The following RUBCNL variants were observed in gnomAD, a reference collection of about 807,000 sequenced individuals.
RUBCNL encodes the protein rubicon like autophagy enhancer.
In RUBCNL, 62 loss-of-function variants were observed where a neutral mutation model predicts 69.5. The ratio of observed to expected loss-of-function variants is 0.89; its 90% CI spans 0.73 to 1.10. RUBCNL has a LOEUF of 1.10. RUBCNL is among the 50% of genes least tolerant of loss of function. The pLI is 0.00. For missense variants in RUBCNL, 768 were observed against 798.1 expected (o/e 0.96, Z 0.45); for synonymous variants, 291 against 303.6 (o/e 0.96, Z 0.43).
At chr13:46,384,614 T>A (rs1408695415) in intron 1 of RUBCNL, among the ~76,000 whole-genome samples, 2 of 152,190 alleles carry the variant, frequency 1.3e-5, no homozygotes, top group African/African-American at 4.8e-5. Flanking sequence ...TTTTAATAAA[T>A]ATAAAGCTAA....
intron 1 of RUBCNL, among the ~76,000 whole-genome samples, chr13:46,378,951 A>C (rs1367092862): frequency 3.9e-5 from 6 of 152,176 alleles, no homozygotes; most frequent in Admixed American, 3.9e-4. Flanking sequence ...TCACCCTATA[A>C]AAACTGGTAA....
At chr13:46,346,070 G>T (rs182194973) in intron 12 of RUBCNL, among the ~76,000 whole-genome samples, 2 of 152,276 alleles carry the variant, frequency 1.3e-5, no homozygotes, top group East Asian at 3.9e-4. Context: ...CCAAATGCAC[G>T]AGTCAGGCAC....
intron 2 of RUBCNL, chr13:46,374,458 G>A (rs2138814926): frequency 6.6e-6 from 1 of 152,310 alleles, no homozygotes; most frequent in Middle Eastern, 3.4e-3. Flanking sequence ...GGAGTGGACG[G>A]AGCAAGCTCC....
At chr13:46,386,870 A>C (rs2049260173) in intron 1 of RUBCNL, among the ~76,000 whole-genome samples, 1 of 152,130 alleles carries the variant, frequency 6.6e-6, no homozygotes, top group South Asian at 2.1e-4. Context: ...TCCCGGCCCA[A>C]GCCGAACACA....
chr13:46,349,247 T>C (rs778760608), intron 12 of RUBCNL, 39 bp downstream of exon 12: 18 of 1,580,246 alleles, frequency 1.1e-5, no homozygotes, highest in Admixed American at 1.7e-5. Context: ...TTAGCAGATG[T>C]ATGGAGGGAA....
intron 6 of RUBCNL, among the ~76,000 whole-genome samples, 165 bp downstream of exon 6, chr13:46,362,950 A>ATG (rs2048657858): frequency 1.6e-5 from 1 of 64,144 alleles, no homozygotes; most frequent in African/African-American, 9.9e-5. Flanking sequence ...ATATATATAT[A>ATG]TATATATATA....
rs190621485 is a variant in RUBCNL, at chr13:46,349,808, C to T, written c.1569+305G>A. Among the ~76,000 whole-genome samples, 129 of 151,894 alleles carry T rather than the reference C, an allele frequency of 8.5e-4. 1 individual carries two copies. Among genetic ancestry groups the T allele is most frequent in the African/African-American group, 2.7e-3 (112 of 41,402 alleles). On this transcript the variant is annotated intron_variant, in intron 11 of 14. Coordinates refer to ENST00000429979, the MANE Select transcript of RUBCNL (RefSeq NM_025113.5). The stretch of plus-strand genomic sequence containing the variant: ...TCTCCTGCCTCAGCCTCTCGAGTAG[C>T]TGGGATTACAGGCGTGTGCTACTAT...
rs1279497357 is a variant in RUBCNL, at chr13:46,361,585, G to C, written c.987-12C>G. On this transcript the variant is annotated splice_polypyrimidine_tract_variant and intron_variant, in intron 7 of 14. Coordinates refer to ENST00000429979, the MANE Select transcript of RUBCNL (RefSeq NM_025113.5). ...GCTCATAAGTGACACTGAAATGTAAGAGATGCAAATACTGGAAAACTATAT... is the reference window on the plus strand; with the variant it reads ...GCTCATAAGTGACACTGAAATGTAACAGATGCAAATACTGGAAAACTATAT... The C allele has an allele frequency of 2.5e-6, 4 of 1,583,094 alleles. No homozygotes were observed. Among genetic ancestry groups the C allele is most frequent in the Admixed American group, 3.7e-5 (2 of 54,340 alleles).
Position 46,387,152 on chromosome 13 carries a change from T to C in RUBCNL, c.-257A>G. The C allele has an allele frequency of 1.0e-6, 1 of 985,304 alleles. No individual in the cohort carries two copies. The highest frequency in any genetic ancestry group is 1.2e-6 in the Non-Finnish European group (1 of 829,956). 61.0% of individuals were successfully genotyped at this position (985,304 alleles called of 1,614,324 possible). A position where few individuals can be genotyped will look rare whatever the true frequency, so the allele number is the denominator to read the frequency against. ...GCCTCACCCAGCCAAACCCGAGCGG[T>C]GGAACGCTGCGCTGGGTAAACGCCG... On this transcript the variant is annotated 5_prime_UTR_variant, in exon 1 of 15. Coordinates refer to ENST00000429979, the MANE Select transcript of RUBCNL (RefSeq NM_025113.5).
rs746280233 is a variant in RUBCNL at position 46,372,360 on chromosome 13, G to A, written c.116C>T (p.Pro39Leu). The part of the protein sequence containing the change: ...SPRLLNTDHP[P>L]CQLDIRLMRH... ...CATGAGCCTGATGTCTAATTGGCAAGGAGGATGGTCAGTGTTCAGGAGTCT... is the reference window on the plus strand; with the variant it reads ...CATGAGCCTGATGTCTAATTGGCAAAGAGGATGGTCAGTGTTCAGGAGTCT... Residue 39 changes from proline (P) to leucine (L), a missense_variant, in exon 3 of 15, where the codon CCT (proline) becomes CTT (leucine). By Grantham distance (98) the Pro-to-Leu change is moderately conservative (BLOSUM62 -3). Transcript: ENST00000429979. The A allele has an allele frequency of 2.5e-6, 4 of 1,614,012 alleles. No individual in the cohort carries two copies. The highest frequency in any genetic ancestry group is 1.6e-4 in the Middle Eastern group (1 of 6,062).
chr13:46,384,239 T>G (rs2049185283), intron 1 of RUBCNL, among the ~76,000 whole-genome samples: 1 of 152,194 alleles, frequency 6.6e-6, no homozygotes, highest in Non-Finnish European at 1.5e-5. Flanking sequence ...CTTAACAAAC[T>G]TAAAAGTCCC....
Position 46,387,103 on chromosome 13 carries a change from C to A in RUBCNL, c.-239+31G>T, listed in dbSNP as rs1168615933. The A allele has an allele frequency of 4.1e-6, 4 of 985,754 alleles. No homozygotes were observed. The African/African-American group carries it at 7.0e-5, about 17-fold the overall frequency. The allele number at this position is 985,754 out of a possible 1,614,324, so 61.1% of individuals were successfully genotyped here. ...ACCACCCTCTCCACCCCGCGCCGCT[C>A]CCATCTCGCCCCCGGCCCCGCCAGC... is the stretch of plus-strand genomic sequence containing the variant. On this transcript the variant is annotated intron_variant, in intron 1 of 14. Coordinates refer to ENST00000429979, the MANE Select transcript of RUBCNL (RefSeq NM_025113.5).
upstream of RUBCNL, among the ~76,000 whole-genome samples, chr13:46,389,555 T>C (rs1038669503): frequency 1.3e-5 from 2 of 152,224 alleles, no homozygotes; most frequent in East Asian, 3.9e-4. The surrounding 1 kb of genome is among the most constrained non-coding windows in gnomAD (Gnocchi z 4.2). Flanking sequence ...TTAGGATATT[T>C]TGGACCAAGA....
rs764227535 is a variant in RUBCNL at position 46,372,422 on chromosome 13, C to G, written c.54G>C (p.Gly18=). 1.2e-6 allele frequency: 2 copies of G among 1,612,626 alleles called. No individual in the cohort carries two copies. Among genetic ancestry groups the G allele is most frequent in the Non-Finnish European group, 1.7e-6 (2 of 1,179,308 alleles). ...CAATAATGCCAGAGTGATCGCTGATCCCTTCCCAGGGCTCCACAGGAGAAT... is the reference window on the plus strand; with the variant it reads ...CAATAATGCCAGAGTGATCGCTGATGCCTTCCCAGGGCTCCACAGGAGAAT... ...RQDSPVEPWE[G]ISDHSGIIDG... is the part of the protein sequence containing the mutation. The change falls in exon 3 of 15, where the codon GGG becomes GGC. Residue 18 remains glycine, a synonymous_variant. Coordinates refer to ENST00000429979, the MANE Select transcript of RUBCNL (RefSeq NM_025113.5).
chr13:46,348,754 G>A (rs1435806419), intron 12 of RUBCNL, among the ~76,000 whole-genome samples: 1 of 151,870 alleles, frequency 6.6e-6, no homozygotes. Flanking sequence ...CAGGCATGCA[G>A]CACCACGCCT....
chr13:46,346,320 G>A (rs143706619), intron 12 of RUBCNL, among the ~76,000 whole-genome samples: 1 of 152,270 alleles, frequency 6.6e-6, no homozygotes, highest in Non-Finnish European at 1.5e-5. Flanking sequence ...CCTCTGCCTG[G>A]AGAATCCCCA....
chr13:46,347,971 C>T (rs1039011734), intron 12 of RUBCNL, among the ~76,000 whole-genome samples: 9 of 151,136 alleles, frequency 6.0e-5, no homozygotes, highest in South Asian at 2.1e-4. Flanking sequence ...CCAGCCTGGG[C>T]GACAGAAGGA....
Position 46,350,011 on chromosome 13 carries a change from C to T in RUBCNL, c.1569+102G>A. On this transcript the variant is annotated intron_variant, in intron 11 of 14. Coordinates refer to ENST00000429979, the MANE Select transcript of RUBCNL (RefSeq NM_025113.5). ...TTCACTCGCTTTATGATCCATTTGC[C>T]TCTTAGAGGATGTATCTGTGGGTTC... 5.8e-6 allele frequency: 5 copies of T among 857,574 alleles called. No individual in the cohort carries two copies. The East Asian group carries it at 1.1e-4, about 18-fold the overall frequency. 53.1% of individuals were successfully genotyped at this position (857,574 alleles called of 1,614,324 possible).
At chr13:46,349,587 C>T (rs1275064003) in intron 11 of RUBCNL, among the ~76,000 whole-genome samples, 1 of 151,932 alleles carries the variant, frequency 6.6e-6, no homozygotes, top group Admixed American at 6.6e-5. Flanking sequence ...GGGCCTTCTT[C>T]AAGAAAAACA....
Sources: gnomAD v4.1 joint callset for allele counts (sites outside exome capture counted in the v4.1 genomes callset) on GRCh38, gnomAD v4.1.1 for gene constraint, Gnocchi (gnomAD v3.1) non-coding constraint, MANE v1.5 for transcripts, NCBI Gene and HGNC (gene_info 2026-07-23, HGNC 2026-07-21) for gene names.